Variants in ACER3 observed in about 807,000 individuals in gnomAD.
ACER3 encodes the protein alkaline ceramidase 3, also known as alkCDase 3.
Under a neutral mutation model 48.9 loss-of-function variants are expected in ACER3, and 16 were observed. The observed-to-expected ratio is 0.33, with a 90% CI of 0.22 to 0.50. The LOEUF (loss-of-function observed/expected upper bound fraction) is 0.50. Ranked by LOEUF, ACER3 falls within the 20% of genes least tolerant of loss-of-function variation. The pLI, the probability that ACER3 is intolerant of heterozygous loss-of-function variation, is 0.98. For synonymous variants in ACER3, 109 were observed against 107.8 expected (o/e 1.01, Z -0.07); for missense variants, 227 against 326.0 (o/e 0.70, Z 2.34).
chr11:76,991,064 A>C (rs752296203), intron 6 of ACER3, among the ~76,000 whole-genome samples: 18 of 152,174 alleles, frequency 1.2e-4, no homozygotes, highest in Admixed American at 3.3e-4. Context: ...TGAAATAAAG[A>C]AGTAAGCCTT....
chr11:76,866,542 A>G (rs1046183835), intron 1 of ACER3, among the ~76,000 whole-genome samples: 9 of 152,332 alleles, frequency 5.9e-5, no homozygotes, highest in East Asian at 5.8e-4. Flanking sequence ...GCTACTCACA[A>G]TTAGTATACA....
intron 4 of ACER3, among the ~76,000 whole-genome samples, chr11:76,982,034 GC>G (rs921234520): frequency 1.1e-4 from 16 of 152,032 alleles, no homozygotes; most frequent in African/African-American, 3.9e-4. Flanking sequence ...CCATATACTT[GC>G]CAAGACTTGG....
intron 6 of ACER3, chr11:76,994,142 T>C (rs1397895482): frequency 2.2e-6 from 1 of 451,566 alleles, no homozygotes; most frequent in Admixed American, 2.4e-5. Context: ...CTTTCTTTTT[T>C]TTTTTTTGAT....
At chr11:77,011,452 G>A in intron 7 of ACER3, 1 of 874,150 alleles carries the variant, frequency 1.1e-6, no homozygotes, top group Non-Finnish European at 1.4e-6. Flanking sequence ...TCAGTACCTG[G>A]CCCACACTGC....
chr11:76,873,800 G>A (rs1945301665), intron 1 of ACER3, among the ~76,000 whole-genome samples: 1 of 151,986 alleles, frequency 6.6e-6, no homozygotes, highest in South Asian at 2.1e-4. Flanking sequence ...GTGTAAATAA[G>A]GACAGTACAA....
chr11:76,872,459 A>G (rs1945266789), intron 1 of ACER3, among the ~76,000 whole-genome samples: 1 of 152,154 alleles, frequency 6.6e-6, no homozygotes, highest in African/African-American at 2.4e-5. Flanking sequence ...TTTAGACCCC[A>G]GTGAGTCCAG....
chr11:76,994,042 G>C, intron 6 of ACER3: 1 of 403,790 alleles, frequency 2.5e-6, no homozygotes, highest in Non-Finnish European at 4.8e-6. Flanking sequence ...GTGGTAGTGT[G>C]CTGAAGCGTT....
intron 1 of ACER3, among the ~76,000 whole-genome samples, chr11:76,914,867 T>TA (rs1298729637): frequency 1.3e-5 from 2 of 152,134 alleles, no homozygotes; most frequent in East Asian, 1.9e-4. Context: ...TATGCAGCCA[T>TA]AAAAAAAGGA....
At chr11:76,945,086 C>G (rs1193261802) in intron 2 of ACER3, among the ~76,000 whole-genome samples, 1 of 151,116 alleles carries the variant, frequency 6.6e-6, no homozygotes, top group Non-Finnish European at 1.5e-5. Flanking sequence ...AGATATTTAT[C>G]TCTTTGGTAA....
chr11:76,901,398 C>T (rs192804514), intron 1 of ACER3, among the ~76,000 whole-genome samples: 5 of 152,228 alleles, frequency 3.3e-5, no homozygotes, highest in Admixed American at 3.3e-4. Context: ...GTTGCATAAC[C>T]AGAGACTGGA....
intron 5 of ACER3, among the ~76,000 whole-genome samples, chr11:76,988,111 AC>A (rs1476296201): frequency 6.6e-6 from 1 of 152,228 alleles, no homozygotes; most frequent in African/African-American, 2.4e-5. Flanking sequence ...AAATGGAAGA[AC>A]AGTTGCCTCT....
chr11:76,973,063 G>A (rs895001343), intron 3 of ACER3, among the ~76,000 whole-genome samples: 3 of 152,214 alleles, frequency 2.0e-5, no homozygotes, highest in Admixed American at 6.5e-5. Flanking sequence ...GATGATCTAG[G>A]CACTGTTCTT....
intron 7 of ACER3, among the ~76,000 whole-genome samples, chr11:77,010,961 C>T (rs1337153549): frequency 4.6e-5 from 7 of 152,200 alleles, no homozygotes; most frequent in Admixed American, 3.9e-4. Context: ...AAATATTGCT[C>T]AAGAACCTAC....
intron 1 of ACER3, among the ~76,000 whole-genome samples, chr11:76,884,705 C>A (rs1945629070): frequency 6.6e-6 from 1 of 152,042 alleles, no homozygotes; most frequent in South Asian, 2.1e-4. Context: ...TAATTTAGTG[C>A]AAATATGTTT....
At chr11:76,956,314 A>T (rs534141886) in intron 2 of ACER3, among the ~76,000 whole-genome samples, 1 of 152,342 alleles carries the variant, frequency 6.6e-6, no homozygotes, top group East Asian at 1.9e-4. Context: ...CTAAATGTCT[A>T]GAAATGTCAG....
intron 1 of ACER3, among the ~76,000 whole-genome samples, chr11:76,916,563 G>A (rs573178214): frequency 6.6e-6 from 1 of 152,272 alleles, no homozygotes; most frequent in South Asian, 2.1e-4. Flanking sequence ...TGGTCATTTT[G>A]AGTAGGATGA....
chr11:76,994,169 T>C, intron 6 of ACER3: 1 of 452,926 alleles, frequency 2.2e-6, no homozygotes, highest in South Asian at 1.6e-5. Flanking sequence ...TCTCACTCTG[T>C]CACCCCGGCT....
intron 1 of ACER3, among the ~76,000 whole-genome samples, chr11:76,878,447 ATCTT>A (rs1945441216): frequency 6.6e-6 from 1 of 152,078 alleles, no homozygotes; most frequent in Non-Finnish European, 1.5e-5. Flanking sequence ...AAAAAGTTAA[ATCTT>A]TATTAATCCA....
chr11:76,958,932 C>T lies in ACER3; in HGVS notation c.215-47C>T, dbSNP rs186697519. 99 of 1,591,002 alleles carry T rather than the reference C, an allele frequency of 6.2e-5. No individual in the cohort carries two copies. The African/African-American group carries it at 1.1e-3, about 17-fold the overall frequency. ...TATTGTCTTCTCAGGTCACTGTCCA[C>T]GCACAAAGAATTTCATGCTAATTTT... On this transcript the variant is annotated intron_variant, in intron 2 of 10. Transcript: ENST00000532485.
Sources: gnomAD v4.1 joint callset for allele counts (sites outside exome capture counted in the v4.1 genomes callset) on GRCh38, gnomAD v4.1.1 for gene constraint, MANE v1.5 for transcripts, NCBI Gene and HGNC (gene_info 2026-07-23, HGNC 2026-07-21) for gene names.